NEK5: variants seen among roughly 807,000 people sequenced by gnomAD.
The protein encoded by NEK5 is serine/threonine-protein kinase Nek5.
Under a neutral mutation model 109.2 loss-of-function variants are expected in NEK5, and 88 were observed. The ratio of observed to expected loss-of-function variants is 0.81; its 90% CI spans 0.68 to 0.96. The LOEUF is 0.96. Ranked by LOEUF, NEK5 falls within the 40% of genes least tolerant of loss-of-function variation. The pLI is 0.00. For missense variants in NEK5, 834 were observed against 920.7 expected, an observed-to-expected ratio of 0.91 and a Z score of 1.22; for synonymous variants, 283 against 299.9, an observed-to-expected ratio of 0.94 and a Z score of 0.58.
intron 22 of NEK5, among the ~76,000 whole-genome samples, chr13:52,060,391 G>A (rs553363634): frequency 3.9e-5 from 6 of 151,906 alleles, no homozygotes; most frequent in African/African-American, 1.2e-4. Context: ...TCCCACTCTT[G>A]TCCCCCAGGC....
Position 52,065,413 on chromosome 13 carries a change from C to T in NEK5, c.1975+71G>A. ...TATAGTGAGAAGTAGACTATCACAT[C>T]AGGATGAGCACTGGGCTGTACGGGT... On this transcript the variant is annotated intron_variant, in intron 21 of 23. Transcript: ENST00000684899. 5 of 1,606,728 alleles carry T rather than the reference C, an allele frequency of 3.1e-6. No homozygotes were observed. The South Asian group carries it at 3.3e-5, about 11-fold the overall frequency.
chr13:52,071,637 T>C (rs991285392), intron 20 of NEK5, among the ~76,000 whole-genome samples: 11 of 152,196 alleles, frequency 7.2e-5, no homozygotes, highest in African/African-American at 2.4e-4. Context: ...GAGTTTCAGA[T>C]ACTGGCAACA....
At chr13:52,082,396 G>A (rs1332071992) in intron 17 of NEK5, 2 of 1,145,368 alleles carry the variant, frequency 1.7e-6, no homozygotes, top group Non-Finnish European at 2.2e-6. Flanking sequence ...AAGCACACTT[G>A]GGCTTCTTAT....
At chr13:52,128,832 A>C (rs1233195654) in intron 1 of NEK5, 197 bp downstream of exon 1, 1 of 152,214 alleles carries the variant, frequency 6.6e-6, no homozygotes, top group African/African-American at 2.4e-5. Flanking sequence ...CCCGTACCCG[A>C]CCTCCGCGTG....
intron 9 of NEK5, among the ~76,000 whole-genome samples, chr13:52,103,160 G>A (rs1397794240): frequency 1.3e-5 from 2 of 152,186 alleles, no homozygotes; most frequent in African/African-American, 4.8e-5. Context: ...CGGGCATGGT[G>A]GCTCACGCCT....
intron 3 of NEK5, among the ~76,000 whole-genome samples, chr13:52,122,409 A>G (rs537493190): frequency 9.2e-5 from 14 of 152,352 alleles, no homozygotes; most frequent in Non-Finnish European, 8.8e-5. Flanking sequence ...ATTTTATTAT[A>G]TAAAAATATT....
intron 4 of NEK5, among the ~76,000 whole-genome samples, chr13:52,114,011 C>T (rs1955804270): frequency 6.6e-6 from 1 of 152,184 alleles, no homozygotes; most frequent in South Asian, 2.1e-4. Context: ...TTATAAGCCA[C>T]CTAGTTTATG....
chr13:52,068,772 C>G (rs1478838016), intron 20 of NEK5, among the ~76,000 whole-genome samples: 3 of 152,094 alleles, frequency 2.0e-5, no homozygotes, highest in East Asian at 3.9e-4. Context: ...AGTTCAAATA[C>G]CAGCCTGGCA....
In NEK5 at chr13:52,103,536, G is replaced by A. The variant is rs1019809559; in HGVS notation, c.609+962C>T. Among the ~76,000 whole-genome samples the A allele has an allele frequency of 1.6e-4, 25 of 152,250 alleles. 1 individual carries two copies. The highest frequency in any genetic ancestry group is 6.0e-4 in the African/African-American group (25 of 41,462). On this transcript the variant is annotated intron_variant, in intron 9 of 23. Coordinates refer to ENST00000684899, the MANE Select transcript of NEK5 (RefSeq NM_001365552.1). ...GTGGAGAAAAGAGTTGATGTAGCAA[G>A]CTCTCCTCAGAAAGGCCTGCTTACA...
intron 4 of NEK5, among the ~76,000 whole-genome samples, chr13:52,118,625 TC>T (rs981039355): frequency 6.6e-6 from 1 of 152,144 alleles, no homozygotes; most frequent in African/African-American, 2.4e-5. Flanking sequence ...GGGACTTCCT[TC>T]CCTAAAGTTG....
intron 13 of NEK5, among the ~76,000 whole-genome samples, chr13:52,090,291 G>A (rs1593963924): frequency 2.0e-5 from 3 of 152,258 alleles, no homozygotes; most frequent in South Asian, 4.1e-4. Flanking sequence ...CAGACCATAA[G>A]TTTTTTGGAA....
intron 22 of NEK5, among the ~76,000 whole-genome samples, chr13:52,056,677 C>A (rs9535841): frequency 0.039 from 5,828 of 151,104 alleles, 137 homozygotes; most frequent in South Asian, 0.085. Flanking sequence ...GGAAACTGAA[C>A]AACCTGCTCC....
intron 22 of NEK5, among the ~76,000 whole-genome samples, chr13:52,059,822 G>A (rs529825901): frequency 6.6e-6 from 1 of 151,632 alleles, no homozygotes; most frequent in East Asian, 1.9e-4. Flanking sequence ...GGGGACGGGG[G>A]AGGGATAGCA....
chr13:52,119,114 A>C (rs1955919693), intron 4 of NEK5, among the ~76,000 whole-genome samples: 1 of 152,204 alleles, frequency 6.6e-6, no homozygotes, highest in South Asian at 2.1e-4. Context: ...GAGAGGCAGA[A>C]AAACAAGAAA....
Position 52,034,297 on chromosome 13 carries a change from A to G in NEK5, c.*2651T>C, listed in dbSNP as rs1234091261. 2.0e-5 allele frequency: 3 copies of G among 152,228 alleles called. No individual in the cohort carries two copies. Among genetic ancestry groups the G allele is most frequent in the Non-Finnish European group, 4.4e-5 (3 of 68,034 alleles). 9.4% of individuals were successfully genotyped at this position (152,228 alleles called of 1,614,324 possible). The stretch of plus-strand genomic sequence containing the variant: ...GCCTCAGGAACACGATTTAGCTAAT[A>G]GTGTGTGTAAAATGGGTAAGGTCTA... On this transcript the variant is annotated 3_prime_UTR_variant, in exon 24 of 24. Coordinates refer to ENST00000684899, the MANE Select transcript of NEK5 (RefSeq NM_001365552.1).
intron 23 of NEK5, among the ~76,000 whole-genome samples, chr13:52,037,747 C>T (rs959146269): frequency 8.5e-5 from 13 of 152,092 alleles, no homozygotes; most frequent in Non-Finnish European, 1.8e-4. Flanking sequence ...CACGGTGAAA[C>T]CCCGTCTCTA....
intron 8 of NEK5, among the ~76,000 whole-genome samples, chr13:52,106,835 AAAG>A (rs755896701): frequency 1.3e-5 from 2 of 152,102 alleles, no homozygotes; most frequent in African/African-American, 2.4e-5. Context: ...ACTGGGTTTT[AAAG>A]CTGGAAGACA....
In NEK5 at chr13:52,078,502, T is replaced by C. The variant is rs547613373; in HGVS notation, c.1573-2359A>G. Among the ~76,000 whole-genome samples, 11 of 152,310 alleles carry C rather than the reference T, an allele frequency of 7.2e-5. No individual in the cohort carries two copies. In the South Asian group the frequency reaches 1.9e-3, roughly 26 times the overall value. Reference sequence around the variant, plus strand: ...ATGTTCACTATATTGATTGTGGTGATGGGTTTCATGGGTGTGCCTGCCAAA... The same window carrying C: ...ATGTTCACTATATTGATTGTGGTGACGGGTTTCATGGGTGTGCCTGCCAAA... On this transcript the variant is annotated intron_variant, in intron 17 of 23. Coordinates refer to ENST00000684899, the MANE Select transcript of NEK5 (RefSeq NM_001365552.1).
chr13:52,076,056 T>C lies in NEK5; in HGVS notation c.1653+7A>G, dbSNP rs1566756875. 1 of 1,552,720 alleles carries C rather than the reference T, an allele frequency of 6.4e-7. No individual in the cohort carries two copies. Among genetic ancestry groups the C allele is most frequent in the Non-Finnish European group, 8.8e-7 (1 of 1,130,968 alleles). Reference sequence around the variant, plus strand: ...ATATGGAACCCAAAGACAAAAGTATTTCTTACCTTAGCTTTATATTTCTGT... The same window carrying C: ...ATATGGAACCCAAAGACAAAAGTATCTCTTACCTTAGCTTTATATTTCTGT... On this transcript the variant is annotated splice_region_variant and intron_variant, in intron 18 of 23. Coordinates refer to ENST00000684899, the MANE Select transcript of NEK5 (RefSeq NM_001365552.1).
Sources: gnomAD v4.1 joint callset for allele counts (sites outside exome capture counted in the v4.1 genomes callset) on GRCh38, gnomAD v4.1.1 for gene constraint, MANE v1.5 for transcripts, NCBI Gene and HGNC (gene_info 2026-07-23, HGNC 2026-07-21) for gene names.